Variants in ALS2 observed in about 807,000 individuals in gnomAD.
ALS2 encodes alsin Rho guanine nucleotide exchange factor ALS2.
A neutral mutation model predicts 203.4 loss-of-function variants in ALS2; 117 were observed. That is an observed-to-expected ratio of 0.58 (90% CI 0.50 to 0.67). The LOEUF (loss-of-function observed/expected upper bound fraction) is 0.67. Among genes scored for constraint, ALS2 ranks in the 30% least tolerant of loss-of-function variants. The pLI, the probability that ALS2 is intolerant of heterozygous loss-of-function variation, is 0.00. For missense variants in ALS2, 1,715 were observed against 1,989.4 expected, an observed-to-expected ratio of 0.86 and a Z score of 2.62; for synonymous variants, 718 against 725.9, an observed-to-expected ratio of 0.99 and a Z score of 0.17.
intron 3 of ALS2, among the ~76,000 whole-genome samples, chr2:201,766,312 A>G (rs1694073109): frequency 6.6e-6 from 1 of 152,194 alleles, no homozygotes; most frequent in South Asian, 2.1e-4. Flanking sequence ...GATTCCTGAT[A>G]AGGGAGTAAG....
chr2:201,768,941 A>C lies in ALS2; in HGVS notation c.-56T>G. 1 of 1,555,714 alleles carries C rather than the reference A, an allele frequency of 6.4e-7. No individual in the cohort carries two copies. On this transcript the variant is annotated 5_prime_UTR_variant, in exon 2 of 34. Transcript: ENST00000264276. ...ATTCCTTCTTTACAGAAAGTCTATCAAGACCTAAACAGTACAAGTAAGGAA... is the reference window on the plus strand; with the variant it reads ...ATTCCTTCTTTACAGAAAGTCTATCCAGACCTAAACAGTACAAGTAAGGAA...
intron 27 of ALS2, among the ~76,000 whole-genome samples, chr2:201,709,400 T>G (rs2105971207): frequency 6.6e-6 from 1 of 152,342 alleles, no homozygotes; most frequent in African/African-American, 2.4e-5. Flanking sequence ...TTGTCTTTGT[T>G]CACTGATAAA....
chr2:201,727,841 T>A (rs950861288), intron 15 of ALS2, 66 bp from the exon 16 acceptor site: 12 of 1,421,916 alleles, frequency 8.4e-6, no homozygotes, highest in Non-Finnish European at 1.2e-5. Flanking sequence ...TCTGCCCATA[T>A]CCCCTTCATG....
At chr2:201,714,396 G>A (rs537919852) in intron 25 of ALS2, among the ~76,000 whole-genome samples, 4 of 152,270 alleles carry the variant, frequency 2.6e-5, no homozygotes, top group Admixed American at 2.0e-4. Flanking sequence ...CATGAGACAC[G>A]TGTCGCTGCA....
chr2:201,749,820 C>T (rs777457412), intron 7 of ALS2, 31 bp from the exon 8 acceptor site: 7 of 1,568,360 alleles, frequency 4.5e-6, no homozygotes, highest in Admixed American at 3.3e-5. Context: ...AGTAGCTAAG[C>T]GTTGTGAATC....
intron 25 of ALS2, among the ~76,000 whole-genome samples, chr2:201,712,207 T>C (rs1268114741): frequency 1.3e-5 from 2 of 152,240 alleles, no homozygotes; most frequent in Non-Finnish European, 2.9e-5. Context: ...AGATAAACTC[T>C]AAACTAATCT....
chr2:201,775,427 CAG>C (rs1229334348), intron 1 of ALS2, among the ~76,000 whole-genome samples: 1 of 152,192 alleles, frequency 6.6e-6, no homozygotes, highest in Non-Finnish European at 1.5e-5. Context: ...TAAACAATAA[CAG>C]AGTCTGGTAT....
chr2:201,713,133 C>CTTTT lies in ALS2; in HGVS notation c.4005-2029_4005-2026dup, dbSNP rs35807671. Among the ~76,000 whole-genome samples the CTTTT allele has an allele frequency of 3.3e-4, 32 of 96,252 alleles. 1 individual carries two copies. The highest frequency in any genetic ancestry group is 4.5e-4 in the Non-Finnish European group (22 of 48,710). The allele number at this position is 96,252 out of a possible 152,430, so 63.1% of individuals were successfully genotyped here. On this transcript the variant is annotated intron_variant, in intron 25 of 33. Coordinates refer to ENST00000264276, the MANE Select transcript of ALS2 (RefSeq NM_020919.4). ...CCCTCATTCTTTCTCCTTTTCTTTTCTTTTTTTTTTTTTTTTTTTTGAGAT... is the reference window on the plus strand; with the variant it reads ...CCCTCATTCTTTCTCCTTTTCTTTTCTTTTTTTTTTTTTTTTTTTTTTTTGAGAT...
chr2:201,775,132 A>G (rs979791012), intron 1 of ALS2, among the ~76,000 whole-genome samples: 2 of 152,240 alleles, frequency 1.3e-5, no homozygotes, highest in African/African-American at 4.8e-5. Flanking sequence ...ACATTCAGAT[A>G]GAAAGGCAAT....
intron 2 of ALS2, among the ~76,000 whole-genome samples, chr2:201,768,364 T>C (rs1424884355): frequency 6.6e-6 from 1 of 152,242 alleles, no homozygotes; most frequent in Non-Finnish European, 1.5e-5. Context: ...CCATTGGTAA[T>C]ACATTTTTTC....
chr2:201,731,224 T>G (rs142800600), intron 13 of ALS2, among the ~76,000 whole-genome samples: 1 of 151,910 alleles, frequency 6.6e-6, no homozygotes, highest in Non-Finnish European at 1.5e-5. Context: ...ATATAAAACA[T>G]TCTGCTAGAG....
At chr2:201,737,014 T>C (rs2160234) in intron 12 of ALS2, among the ~76,000 whole-genome samples, 85,306 of 151,964 alleles carry the variant, frequency 0.56, 26,634 homozygotes, top group Admixed American at 0.72. Context: ...CTACTTCATA[T>C]AAACTATGAA....
At chr2:201,750,172 A>G (rs1030590307) in intron 7 of ALS2, among the ~76,000 whole-genome samples, 1 of 151,210 alleles carries the variant, frequency 6.6e-6, no homozygotes, top group Non-Finnish European at 1.5e-5. Flanking sequence ...GTATCCCAAA[A>G]AAAAAAAAAA....
At chr2:201,729,892 A>C (rs866966664) in intron 13 of ALS2, among the ~76,000 whole-genome samples, 15 of 151,754 alleles carry the variant, frequency 9.9e-5, no homozygotes, top group East Asian at 1.9e-4. Context: ...AAAAAAAAAA[A>C]AAAAAAAAAA....
Position 201,743,070 on chromosome 2 carries a change from C to CAA in ALS2, c.2170+1186_2170+1187dup, listed in dbSNP as rs760707229. On this transcript the variant is annotated intron_variant, in intron 10 of 33. Transcript: ENST00000264276. ...TGGGTGACAGAGCAAGACTCTGTCT[C>CAA]AAAAAAAAAAAAAAAAGAAAGAAAC... Among the ~76,000 whole-genome samples the CAA allele has an allele frequency of 1.8e-3, 211 of 114,668 alleles. 3 individuals carry two copies. The highest frequency in any genetic ancestry group is 0.014 in the Middle Eastern group (3 of 210). 75.2% of individuals were successfully genotyped at this position (114,668 alleles called of 152,430 possible).
intron 26 of ALS2, 35 bp downstream of exon 26, chr2:201,710,956 T>C: frequency 1.6e-6 from 2 of 1,274,766 alleles, no homozygotes; most frequent in South Asian, 1.2e-5. Context: ...GAATCATTAA[T>C]TCACAAGACC....
At chr2:201,771,122 T>C (rs1264816189) in intron 1 of ALS2, among the ~76,000 whole-genome samples, 1 of 150,848 alleles carries the variant, frequency 6.6e-6, no homozygotes, top group Admixed American at 6.6e-5. Context: ...TCTCGGTTCA[T>C]TGCAACCTCC....
chr2:201,715,650 T>C lies in ALS2; in HGVS notation c.4004+22A>G, dbSNP rs761403520. On this transcript the variant is annotated intron_variant, in intron 25 of 33. Coordinates refer to ENST00000264276, the MANE Select transcript of ALS2 (RefSeq NM_020919.4). ...CATCTTCCTAACATGCTCTGCTGTA[T>C]GTTGAGCAGGTGTTCACTCACCTGT... The C allele has an allele frequency of 5.6e-6, 9 of 1,613,884 alleles. No homozygotes were observed. The South Asian group carries it at 8.8e-5, about 16-fold the overall frequency.
At chr2:201,750,476 T>C (rs1004942727) in intron 7 of ALS2, among the ~76,000 whole-genome samples, 1 of 152,074 alleles carries the variant, frequency 6.6e-6, no homozygotes, top group African/African-American at 2.4e-5. Context: ...AGAGGAAGAG[T>C]AATCATGATT....
Sources: gnomAD v4.1 joint callset for allele counts (sites outside exome capture counted in the v4.1 genomes callset) on GRCh38, gnomAD v4.1.1 for gene constraint, MANE v1.5 for transcripts, NCBI Gene and HGNC (gene_info 2026-07-23, HGNC 2026-07-21) for gene names.